KMT2E: variants seen among roughly 807,000 people sequenced by gnomAD.
KMT2E encodes the protein lysine methyltransferase 2E (inactive), also known as histone reader KMT2E.
KMT2E carries 30 observed loss-of-function variants against 184.6 expected under a neutral mutation model. The ratio of observed to expected loss-of-function variants is 0.16; its 90% confidence interval spans 0.12 to 0.22. The LOEUF (loss-of-function observed/expected upper bound fraction) is 0.22. KMT2E is among the 10% of genes least tolerant of loss of function. KMT2E has a pLI of 1.00. For missense variants in KMT2E, 2,023 were observed against 2,237.4 expected, an observed-to-expected ratio of 0.90 and a Z score of 1.93; for synonymous variants, 815 against 776.5, an observed-to-expected ratio of 1.05 and a Z score of -0.82.
intron 3 of KMT2E, among the ~76,000 whole-genome samples, chr7:105,043,491 C>T (rs1238164991): frequency 2.0e-5 from 3 of 152,096 alleles, no homozygotes; most frequent in African/African-American, 7.2e-5. Flanking sequence ...CCGCCTCGGC[C>T]TCCCAAAGTG....
intron 15 of KMT2E, among the ~76,000 whole-genome samples, chr7:105,094,674 C>A (rs990650970): frequency 1.3e-5 from 2 of 152,146 alleles, no homozygotes; most frequent in African/African-American, 4.8e-5. Flanking sequence ...ATGTAATCAC[C>A]AAATTTAAAT....
At chr7:105,066,252 T>C (rs1334922730) in intron 5 of KMT2E, among the ~76,000 whole-genome samples, 2 of 152,170 alleles carry the variant, frequency 1.3e-5, no homozygotes, top group Non-Finnish European at 2.9e-5. Context: ...TTAACCTCCT[T>C]CTATTTCTCA....
chr7:105,038,797 T>A (rs1584711631), intron 2 of KMT2E, among the ~76,000 whole-genome samples: 2 of 152,118 alleles, frequency 1.3e-5, no homozygotes, highest in South Asian at 4.1e-4. Context: ...ACAACATTTT[T>A]AAGCGATGCG....
In KMT2E at chr7:105,107,929, A is replaced by G; in HGVS notation, c.3468+4A>G. ...GAATCCACCACAAAAGAAAAAGGTTACAAATTTAACAATTTATAGTCCTTT... is the reference window on the plus strand; with the variant it reads ...GAATCCACCACAAAAGAAAAAGGTTGCAAATTTAACAATTTATAGTCCTTT... On this transcript the variant is annotated splice_donor_region_variant and intron_variant, in intron 22 of 26. Transcript: ENST00000311117. The G allele has an allele frequency of 2.5e-6, 4 of 1,569,420 alleles. No homozygotes were observed. Among genetic ancestry groups the G allele is most frequent in the Non-Finnish European group, 2.6e-6 (3 of 1,161,014 alleles).
At chr7:105,053,509 C>G (rs578197489) in intron 3 of KMT2E, among the ~76,000 whole-genome samples, 1 of 152,070 alleles carries the variant, frequency 6.6e-6, no homozygotes, top group African/African-American at 2.4e-5. Context: ...TCTCTCAACT[C>G]TAAAGTCTAT....
At chr7:105,061,853 C>A (rs930152828) in intron 3 of KMT2E, 8 of 206,682 alleles carry the variant, frequency 3.9e-5, no homozygotes, top group Middle Eastern at 1.6e-3. Flanking sequence ...TTCTTTGCAC[C>A]CCTTTGCTAG....
At chr7:105,037,467 A>G (rs976153051) in intron 1 of KMT2E, among the ~76,000 whole-genome samples, 6 of 151,882 alleles carry the variant, frequency 4.0e-5, no homozygotes, top group African/African-American at 1.5e-4. Flanking sequence ...GGCTCAAACA[A>G]TCCTCCCATC....
intron 26 of KMT2E, 33 bp from the exon 27 acceptor site, chr7:105,111,792 C>G (rs1799300922): frequency 6.4e-7 from 1 of 1,569,418 alleles, no homozygotes; most frequent in Non-Finnish European, 8.6e-7. Context: ...CAAAATGTTC[C>G]TTGAATGTAT....
At chr7:105,033,261 G>T (rs1450143408) in intron 1 of KMT2E, among the ~76,000 whole-genome samples, 1 of 152,160 alleles carries the variant, frequency 6.6e-6, no homozygotes, top group Admixed American at 6.5e-5. Flanking sequence ...TAGGCAAATT[G>T]CTACCAATGC....
chr7:105,014,282 A>C lies in KMT2E; in HGVS notation c.-442A>C, dbSNP rs1395615711. 1.2e-5 allele frequency: 2 copies of C among 168,982 alleles called. No homozygotes were observed. The highest frequency in any genetic ancestry group is 2.5e-5 in the Non-Finnish European group (2 of 80,294). 10.5% of individuals were successfully genotyped at this position (168,982 alleles called of 1,614,324 possible). A position where few individuals can be genotyped will look rare whatever the true frequency, so the allele number is the denominator to read the frequency against. On this transcript the variant is annotated 5_prime_UTR_variant, in exon 1 of 27. Coordinates refer to ENST00000311117, the MANE Select transcript of KMT2E (RefSeq NM_182931.3). ...TGCCGGAGTTCGGGAGCGGCAACAGAGTGGGCATAGACACTCCGAGCAGCC... is the reference window on the plus strand; with the variant it reads ...TGCCGGAGTTCGGGAGCGGCAACAGCGTGGGCATAGACACTCCGAGCAGCC...
At chr7:105,018,857 T>C (rs1794827315) in intron 1 of KMT2E, among the ~76,000 whole-genome samples, 2 of 152,174 alleles carry the variant, frequency 1.3e-5, no homozygotes, top group Non-Finnish European at 2.9e-5. Flanking sequence ...ACAGTATTTG[T>C]TGTTGAAATT....
Position 105,111,732 on chromosome 7 carries a change from T to C in KMT2E, c.4069-93T>C, listed in dbSNP as rs557244874. 4 of 1,395,496 alleles carry C rather than the reference T, an allele frequency of 2.9e-6. No individual in the cohort carries two copies. The South Asian group carries it at 4.4e-5, about 15-fold the overall frequency. 86.4% of individuals were successfully genotyped at this position (1,395,496 alleles called of 1,614,324 possible). On this transcript the variant is annotated intron_variant, in intron 26 of 26. Coordinates refer to ENST00000311117, the MANE Select transcript of KMT2E (RefSeq NM_182931.3). ...TGTTATTTCCTGCCCCCCATTAAAA[T>C]TAATATTTAGGTAGTATTAAATACC... is the stretch of plus-strand genomic sequence containing the variant.
At chr7:105,068,204 T>C (rs1485629113) in intron 6 of KMT2E, among the ~76,000 whole-genome samples, 2 of 152,200 alleles carry the variant, frequency 1.3e-5, no homozygotes, top group Admixed American at 6.5e-5. Flanking sequence ...TTCCCTGTTC[T>C]ATTTCTGTAA....
chr7:105,082,441 A>G (rs747624819), intron 13 of KMT2E, among the ~76,000 whole-genome samples: 1 of 152,226 alleles, frequency 6.6e-6, no homozygotes, highest in African/African-American at 2.4e-5. Flanking sequence ...TGTATGTCTT[A>G]TACTGTATTC....
intron 1 of KMT2E, among the ~76,000 whole-genome samples, chr7:105,035,006 C>T (rs1795579150): frequency 6.6e-6 from 1 of 151,614 alleles, no homozygotes; most frequent in Non-Finnish European, 1.5e-5. Flanking sequence ...CAGGTGCCCA[C>T]CACCACACCT....
intron 1 of KMT2E, among the ~76,000 whole-genome samples, chr7:105,034,684 A>G (rs1215855689): frequency 6.6e-6 from 1 of 151,630 alleles, no homozygotes; most frequent in East Asian, 1.9e-4. Context: ...GTATAGAACA[A>G]TTTTATCACC....
rs772510917 is a variant in KMT2E at position 105,077,041 on chromosome 7, C to A, written c.847C>A (p.Arg283=). 2 of 1,613,476 alleles carry A rather than the reference C, an allele frequency of 1.2e-6. No individual in the cohort carries two copies. The highest frequency in any genetic ancestry group is 1.7e-5 in the Admixed American group (1 of 59,932). The part of the protein sequence containing the change: ...WETKIKAWMD[R]YEEANNNQYS... ...GACAAAGATCAAAGCATGGATGGAT[C>A]GATATGAAGAAGCAAATAACAACCA... Residue 283 remains arginine (R), a synonymous_variant, in exon 10 of 27, where the codon CGA becomes AGA. Transcript: ENST00000311117.
chr7:105,014,849 G>T (rs983965851), intron 1 of KMT2E, among the ~76,000 whole-genome samples: 1 of 152,184 alleles, frequency 6.6e-6, no homozygotes, highest in Non-Finnish European at 1.5e-5. Context: ...GGCCGCTTGA[G>T]TGAAGACGGA....
intron 17 of KMT2E, 131 bp from the exon 18 acceptor site, chr7:105,105,308 C>G (rs1798851695): frequency 1.8e-6 from 1 of 562,498 alleles, no homozygotes; most frequent in Non-Finnish European, 2.9e-6. Flanking sequence ...ATATTTTGAT[C>G]ACATATGAAT....
Sources: gnomAD v4.1 joint callset for allele counts (sites outside exome capture counted in the v4.1 genomes callset) on GRCh38, gnomAD v4.1.1 for gene constraint, MANE v1.5 for transcripts, NCBI Gene and HGNC (gene_info 2026-07-23, HGNC 2026-07-21) for gene names.